The following KIZ variants were observed in gnomAD, a reference collection of about 807,000 sequenced individuals.
The protein encoded by KIZ is centrosomal protein kizuna.
KIZ carries 68 observed loss-of-function variants against 79.6 expected under a neutral mutation model. The ratio of observed to expected loss-of-function variants is 0.85; its 90% confidence interval spans 0.70 to 1.05. The LOEUF is 1.05. Ranked by LOEUF, KIZ falls within the 50% of genes least tolerant of loss-of-function variation. KIZ has a pLI of 0.00. For synonymous variants in KIZ, 280 were observed against 281.8 expected, an observed-to-expected ratio of 0.99 and a Z score of 0.06; for missense variants, 797 against 800.4, an observed-to-expected ratio of 1.00 and a Z score of 0.05.
At chr20:21,140,910 G>T (rs888064888) in intron 3 of KIZ, among the ~76,000 whole-genome samples, 1 of 151,394 alleles carries the variant, frequency 6.6e-6, no homozygotes, top group African/African-American at 2.4e-5. Flanking sequence ...AATCTGAGAT[G>T]GGGGGGGATC....
rs1269046106 is a variant in KIZ, at chr20:21,162,304, A to G, written c.839A>G (p.Glu280Gly). The change falls in exon 5 of 13, where the codon GAA becomes GGA. Residue 280 changes from glutamate (E) to glycine (G), a missense_variant. Coordinates refer to ENST00000619189, the MANE Select transcript of KIZ (RefSeq NM_018474.6). ...GCTGAACTCAATTCCCCGTTACGGG[A>G]AAGATTAAGTCCAGAGAACAGAACC... The part of the protein sequence containing the change: ...KSAELNSPLR[E>G]RLSPENRTTD... 3 of 1,613,788 alleles carry G rather than the reference A, an allele frequency of 1.9e-6. No individual in the cohort carries two copies. The highest frequency in any genetic ancestry group is 2.7e-5 in the African/African-American group (2 of 74,940).
chr20:21,191,601 A>G (rs2035107492), intron 6 of KIZ, among the ~76,000 whole-genome samples: 1 of 152,378 alleles, frequency 6.6e-6, no homozygotes, highest in South Asian at 2.1e-4. Flanking sequence ...CTGGATGCTC[A>G]TTGATCCTCA....
chr20:21,159,180 T>A (rs540074725), intron 4 of KIZ, among the ~76,000 whole-genome samples: 156 of 151,790 alleles, frequency 1.0e-3, no homozygotes, highest in African/African-American at 3.6e-3. Context: ...TTAAAAAAAT[T>A]TTTTTTAATT....
chr20:21,230,827 C>T (rs576260513), intron 10 of KIZ, among the ~76,000 whole-genome samples: 1 of 152,126 alleles, frequency 6.6e-6, no homozygotes, highest in South Asian at 2.1e-4. Context: ...TTTCCATGAC[C>T]TTCTTCACAT....
At chr20:21,186,842 C>A (rs1011785213) in intron 6 of KIZ, among the ~76,000 whole-genome samples, 1 of 152,054 alleles carries the variant, frequency 6.6e-6, no homozygotes, top group African/African-American at 2.4e-5. Context: ...TTTATCCATT[C>A]ATAATACTTG....
intron 3 of KIZ, among the ~76,000 whole-genome samples, chr20:21,137,560 T>A (rs1223356905): frequency 1.3e-5 from 2 of 151,900 alleles, no homozygotes; most frequent in Non-Finnish European, 2.9e-5. Flanking sequence ...ATAATTATTA[T>A]GATGAACACT....
intron 10 of KIZ, 58 bp downstream of exon 10, chr20:21,229,173 C>A: frequency 2.1e-6 from 2 of 960,008 alleles, no homozygotes; most frequent in South Asian, 2.8e-5. Context: ...GGGCTGTGTT[C>A]GGGGAAGGGT....
At chr20:21,169,721 C>G (rs1163952404) in intron 6 of KIZ, among the ~76,000 whole-genome samples, 2 of 152,216 alleles carry the variant, frequency 1.3e-5, no homozygotes, top group African/African-American at 4.8e-5. Context: ...TGTGCTCCAT[C>G]TACTCACCCC....
chr20:21,218,408 G>A (rs905898403), intron 9 of KIZ: 2 of 152,118 alleles, frequency 1.3e-5, no homozygotes, highest in Non-Finnish European at 2.9e-5. Flanking sequence ...CACAAGTATT[G>A]ATGAGCTAAT....
chr20:21,214,151 CAAAG>C, intron 7 of KIZ: 1 of 157,286 alleles, frequency 6.4e-6, no homozygotes, highest in South Asian at 2.0e-4. Flanking sequence ...TTCATGTAAT[CAAAG>C]AATAAATTTT....
At chr20:21,219,194 A>T (rs1258146244) in intron 9 of KIZ, among the ~76,000 whole-genome samples, 4 of 150,530 alleles carry the variant, frequency 2.7e-5, no homozygotes, top group Admixed American at 6.6e-5. Flanking sequence ...TAGAATATTT[A>T]TCGAGCTTAA....
At chr20:21,138,062 G>C (rs1008805380) in intron 3 of KIZ, among the ~76,000 whole-genome samples, 1 of 118,386 alleles carries the variant, frequency 8.4e-6, no homozygotes, top group African/African-American at 2.8e-5. Context: ...TTGAGCCACT[G>C]CACCCAGACA....
intron 7 of KIZ, among the ~76,000 whole-genome samples, chr20:21,209,762 A>G (rs1354498882): frequency 6.6e-6 from 1 of 152,266 alleles, no homozygotes; most frequent in African/African-American, 2.4e-5. Context: ...TCTGCTGTCC[A>G]CATCCATTAT....
intron 6 of KIZ, among the ~76,000 whole-genome samples, chr20:21,181,462 G>GTT (rs545371209): frequency 2.7e-4 from 38 of 142,928 alleles, no homozygotes; most frequent in Admixed American, 1.5e-3. Flanking sequence ...ATCTATCCAA[G>GTT]TTTTTTTTTT....
At chr20:21,173,249 A>G (rs1209926255) in intron 6 of KIZ, among the ~76,000 whole-genome samples, 1 of 152,096 alleles carries the variant, frequency 6.6e-6, no homozygotes, top group Non-Finnish European at 1.5e-5. Context: ...GGTGGTAAGA[A>G]GTGGTCAGAT....
chr20:21,168,580 T>C (rs935248104), intron 6 of KIZ, among the ~76,000 whole-genome samples: 3 of 152,180 alleles, frequency 2.0e-5, no homozygotes, highest in African/African-American at 7.2e-5. Context: ...TGGAAAAAAC[T>C]ACTTTAAAGT....
intron 9 of KIZ, chr20:21,226,204 G>A (rs1396981063): frequency 6.6e-6 from 1 of 152,312 alleles, no homozygotes; most frequent in Non-Finnish European, 1.5e-5. Flanking sequence ...CCAAGGAGCA[G>A]CTGTGCTCTA....
intron 4 of KIZ, among the ~76,000 whole-genome samples, chr20:21,147,515 C>T (rs2032909791): frequency 6.6e-6 from 1 of 152,156 alleles, no homozygotes; most frequent in African/African-American, 2.4e-5. Flanking sequence ...ATCCAAGCTT[C>T]TCTTCTTTGG....
intron 6 of KIZ, among the ~76,000 whole-genome samples, chr20:21,184,415 G>T (rs974723165): frequency 6.6e-6 from 1 of 152,158 alleles, no homozygotes; most frequent in African/African-American, 2.4e-5. Flanking sequence ...CTCCCAAAGG[G>T]CTGGGATTAC....
Sources: gnomAD v4.1 joint callset for allele counts (sites outside exome capture counted in the v4.1 genomes callset) on GRCh38, gnomAD v4.1.1 for gene constraint, MANE v1.5 for transcripts, NCBI Gene and HGNC (gene_info 2026-07-23, HGNC 2026-07-21) for gene names.